CEP192: variants seen among roughly 807,000 people sequenced by gnomAD.
CEP192 encodes centrosomal protein of 192 kDa.
In CEP192, 151 loss-of-function variants were observed where a neutral mutation model predicts 271.8. That is an observed-to-expected ratio of 0.56 (90% CI 0.49 to 0.64). CEP192 has a LOEUF of 0.64. CEP192 is among the 30% of genes least tolerant of loss of function. The pLI, the probability that CEP192 is intolerant of heterozygous loss-of-function variation, is 0.00. For missense variants in CEP192, 2,910 were observed against 3,020.5 expected (o/e 0.96, Z 0.86); for synonymous variants, 995 against 1,076.5 (o/e 0.92, Z 1.48).
chr18:13,011,129 A>C (rs1176530453), intron 4 of CEP192, among the ~76,000 whole-genome samples: 2 of 151,140 alleles, frequency 1.3e-5, no homozygotes, highest in Non-Finnish European at 2.9e-5. Context: ...TGGGGGGCTG[A>C]GGCGGGAGAA....
intron 30 of CEP192, among the ~76,000 whole-genome samples, chr18:13,085,781 G>C (rs779396000): frequency 6.6e-6 from 1 of 152,190 alleles, no homozygotes; most frequent in Non-Finnish European, 1.5e-5. Flanking sequence ...GGACCATGCT[G>C]TTTTGGTTAC....
chr18:13,069,408 T>TAA (rs1432053998), intron 26 of CEP192, among the ~76,000 whole-genome samples: 1 of 152,220 alleles, frequency 6.6e-6, no homozygotes. Flanking sequence ...ACCAAGTTCT[T>TAA]AGATTAGTTC....
intron 11 of CEP192, among the ~76,000 whole-genome samples, chr18:13,034,918 T>C (rs2035836864): frequency 6.6e-6 from 1 of 151,972 alleles, no homozygotes; most frequent in Non-Finnish European, 1.5e-5. Context: ...GCTGCATTGC[T>C]GCCGCTTATG....
Position 13,059,313 on chromosome 18 carries a change from G to A in CEP192, c.4488+1G>A. On this transcript the variant is annotated splice_donor_variant, in intron 21 of 44. Coordinates refer to ENST00000506447, the MANE Select transcript of CEP192 (RefSeq NM_032142.4). LOFTEE classifies it high-confidence loss of function. ...CATTGCCGAGAGTCCTGTTATTGAG[G>A]TACCTGTTTGAAAATGAATCTTTGT... 5 of 1,609,024 alleles carry A rather than the reference G, an allele frequency of 3.1e-6. No individual in the cohort carries two copies. Among genetic ancestry groups the A allele is most frequent in the Non-Finnish European group, 4.3e-6 (5 of 1,175,376 alleles).
At chr18:13,094,680 A>C (rs1163093768) in intron 34 of CEP192, among the ~76,000 whole-genome samples, 1 of 152,168 alleles carries the variant, frequency 6.6e-6, no homozygotes, top group Non-Finnish European at 1.5e-5. Context: ...CATGCTGTTG[A>C]GGTATCCTTG....
chr18:12,993,898 A>G (rs1326201436), intron 1 of CEP192, among the ~76,000 whole-genome samples: 6 of 152,232 alleles, frequency 3.9e-5, no homozygotes, highest in Admixed American at 3.9e-4. Flanking sequence ...TCTTTCTTAA[A>G]ACTCGTTTTT....
At chr18:13,048,725 G>A (rs1160863959) in intron 15 of CEP192, 134 bp from the exon 16 acceptor site, 17 of 623,308 alleles carry the variant, frequency 2.7e-5, no homozygotes, top group African/African-American at 9.2e-5. Context: ...TATGGCAGTC[G>A]GATTTGGTAC....
chr18:13,072,778 A>G lies in CEP192; in HGVS notation c.5372A>G (p.Asn1791Ser), dbSNP rs2038077685. 1.2e-6 allele frequency: 2 copies of G among 1,610,844 alleles called. No homozygotes were observed. The highest frequency in any genetic ancestry group is 1.7e-6 in the Non-Finnish European group (2 of 1,176,986). Residue 1791 changes from asparagine to serine, a missense_variant, in exon 29 of 45, where the codon AAT becomes AGT. By Grantham distance (46) the Asn-to-Ser change is conservative (BLOSUM62 1). Transcript: ENST00000506447. ...RTQLQKLALR[N>S]NSASTTQHLR... is the part of the protein sequence containing the mutation. ...AGGCTTCAGAAACTAGCTTTAAGAA[A>G]TAATTCTGCATCTACAACTCAACAT...
chr18:13,001,584 T>A lies in CEP192; in HGVS notation c.290+2T>A. 3.2e-6 allele frequency: 5 copies of A among 1,545,680 alleles called. No homozygotes were observed. The highest frequency in any genetic ancestry group is 1.4e-5 in the African/African-American group (1 of 72,922). ...ACAGCTTAGCTTCCAGGATGATGAGTAAGTTCATACCTTCATTTGCTTGTA... is the reference window on the plus strand; with the variant it reads ...ACAGCTTAGCTTCCAGGATGATGAGAAAGTTCATACCTTCATTTGCTTGTA... On this transcript the variant is annotated splice_donor_variant, in intron 3 of 44. Transcript: ENST00000506447. LOFTEE classifies it high-confidence loss of function.
chr18:13,078,918 A>G (rs1333490607), intron 30 of CEP192, among the ~76,000 whole-genome samples: 1 of 152,128 alleles, frequency 6.6e-6, no homozygotes, highest in Non-Finnish European at 1.5e-5. Flanking sequence ...TAGTTTGCTG[A>G]GAATGATGGT....
intron 9 of CEP192, among the ~76,000 whole-genome samples, chr18:13,020,046 A>C (rs2034897477): frequency 1.3e-5 from 2 of 152,126 alleles, no homozygotes; most frequent in Admixed American, 1.3e-4. Context: ...CCTGGCCTCA[A>C]GTGATCTGCC....
At chr18:13,057,377 C>T (rs1221046720) in intron 19 of CEP192, among the ~76,000 whole-genome samples, 1 of 151,270 alleles carries the variant, frequency 6.6e-6, no homozygotes, top group Non-Finnish European at 1.5e-5. Context: ...TTTAATTTTT[C>T]TTTTCCTGCG....
In CEP192 at chr18:13,068,985, C is replaced by T. The variant is rs763862470; in HGVS notation, c.4956C>T (p.Asp1652=). 9.9e-6 allele frequency: 16 copies of T among 1,614,070 alleles called. No homozygotes were observed. Among genetic ancestry groups the T allele is most frequent in the Non-Finnish European group, 1.3e-5 (15 of 1,180,036 alleles). The part of the protein sequence containing the change: ...AGIARIHAPR[D]LQTMHFLAKV... ...TAGCTAGGATCCATGCTCCCAGGGACTTGCAGGTAGCCTCAGTCCTCCTTT... is the reference window on the plus strand; with the variant it reads ...TAGCTAGGATCCATGCTCCCAGGGATTTGCAGGTAGCCTCAGTCCTCCTTT... Residue 1652 remains aspartate, a synonymous_variant, in exon 25 of 45, where the codon GAC becomes GAT. Transcript: ENST00000506447.
Position 13,095,669 on chromosome 18 carries a change from G to GCTCCTT in CEP192, c.6428_6433dup (p.Ser2143_Pro2144dup). ...CCTACCCGAGCACTTGATTCTGGTA[G>GCTCCTT]CTCCTTCTCCTTGTGAGTATGTCAA... On this transcript the variant is annotated inframe_insertion, in exon 35 of 45. Transcript: ENST00000506447. 6.2e-7 allele frequency: 1 copy of GCTCCTT among 1,612,506 alleles called. No individual in the cohort carries two copies. Among genetic ancestry groups the GCTCCTT allele is most frequent in the Non-Finnish European group, 8.5e-7 (1 of 1,179,564 alleles).
At chr18:13,032,740 C>T (rs544042750) in intron 11 of CEP192, among the ~76,000 whole-genome samples, 1 of 152,304 alleles carries the variant, frequency 6.6e-6, no homozygotes, top group South Asian at 2.1e-4. Flanking sequence ...TTCTCAAATT[C>T]CCATTAGCAG....
At chr18:13,023,691 AT>A (rs912222121) in intron 9 of CEP192, among the ~76,000 whole-genome samples, 19 of 151,940 alleles carry the variant, frequency 1.3e-4, no homozygotes, top group African/African-American at 4.6e-4. Context: ...CAGTAGTTTT[AT>A]TTTTTTGTGA....
rs554965320 is a variant in CEP192 at position 13,057,476 on chromosome 18, C to T, written c.4109-109C>T. The stretch of plus-strand genomic sequence containing the variant: ...TTCATCTGGAGCACTTTGACTCTAG[C>T]TCTGTGTAAACAGGCCATCTTATAA... On this transcript the variant is annotated intron_variant, in intron 19 of 44. Transcript: ENST00000506447. 1.1e-5 allele frequency: 14 copies of T among 1,242,388 alleles called. No individual in the cohort carries two copies. In the African/African-American group the frequency reaches 1.2e-4, roughly 11 times the overall value. 77.0% of individuals were successfully genotyped at this position (1,242,388 alleles called of 1,614,324 possible). A position where few individuals can be genotyped will look rare whatever the true frequency, so the allele number is the denominator to read the frequency against.
chr18:13,005,238 T>G (rs1406735393), intron 3 of CEP192, among the ~76,000 whole-genome samples: 2 of 151,970 alleles, frequency 1.3e-5, no homozygotes, highest in Non-Finnish European at 2.9e-5. Flanking sequence ...ATTAAAGTAG[T>G]AAGGTGAAAG....
At chr18:12,992,067 T>G (rs1326932476) in intron 1 of CEP192, among the ~76,000 whole-genome samples, 1 of 152,198 alleles carries the variant, frequency 6.6e-6, no homozygotes, top group African/African-American at 2.4e-5. Context: ...ACACTCTACT[T>G]TTACTTTGCT....
Sources: allele counts gnomAD v4.1 joint callset (sites outside exome capture counted in the v4.1 genomes callset), GRCh38; gene constraint gnomAD v4.1.1; transcripts MANE v1.5; gene names NCBI Gene and HGNC (gene_info 2026-07-23, HGNC 2026-07-21).